Variants in DIAPH2 observed in about 807,000 individuals in gnomAD.
The protein encoded by DIAPH2 is protein diaphanous homolog 2.
Under a neutral mutation model 92.7 loss-of-function variants are expected in DIAPH2, and 35 were observed. The observed-to-expected ratio is 0.38, with a 90% CI of 0.29 to 0.50. DIAPH2 has a LOEUF of 0.50. DIAPH2 is among the 20% of genes least tolerant of loss of function. DIAPH2 has a pLI of 0.94. For missense variants in DIAPH2, 701 were observed against 819.5 expected (o/e 0.86, Z 1.77); for synonymous variants, 301 against 280.4 (o/e 1.07, Z -0.73).
At chrX:96,914,682 C>T (rs1237445012) in intron 7 of DIAPH2, among the ~76,000 whole-genome samples, 3 of 107,788 alleles carry the variant, frequency 2.8e-5, no homozygotes, top group Non-Finnish European at 3.9e-5. Context: ...TTTTTTTTAA[C>T]AGAACATACT....
intron 4 of DIAPH2, among the ~76,000 whole-genome samples, chrX:96,878,461 C>T (rs1013543880): frequency 8.9e-6 from 1 of 111,820 alleles, no homozygotes; most frequent in Non-Finnish European, 1.9e-5. Context: ...ATCATATTTT[C>T]ATAATTTTCA....
At chrX:96,813,425 G>A (rs1292666321) in intron 4 of DIAPH2, among the ~76,000 whole-genome samples, 3 of 109,840 alleles carry the variant, frequency 2.7e-5, no homozygotes, top group Non-Finnish European at 3.8e-5. Context: ...GTCTCTGCAC[G>A]TGAGATGGGT....
rs769428501 is a variant in DIAPH2, at chrX:97,075,214, G to T, written c.2200G>T (p.Val734Phe). 1 of 1,190,466 alleles carries T rather than the reference G, an allele frequency of 8.4e-7. No individual in the cohort carries two copies. Among genetic ancestry groups the T allele is most frequent in the African/African-American group, 1.8e-5 (1 of 56,286 alleles). The change falls in exon 19 of 27, where the codon GTT (valine) becomes TTT (phenylalanine). Residue 734 changes from valine (V) to phenylalanine (F), a missense_variant. This residue lies in a region of DIAPH2 where 536 missense variants were observed against 599.3 expected (regional missense o/e 0.89). Coordinates refer to ENST00000324765, the MANE Select transcript of DIAPH2 (RefSeq NM_006729.5). ...YRMPYEDIRNVILEVNEDMLS... is the reference protein window; with the variant it reads ...YRMPYEDIRNFILEVNEDMLS... Reference sequence around the variant, plus strand: ...CATGCCATATGAAGACATAAGAAACGTTATTCTGGAGGTTAATGAAGACAT... The same window carrying T: ...CATGCCATATGAAGACATAAGAAACTTTATTCTGGAGGTTAATGAAGACAT...
chrX:97,201,131 A>ACC (rs58996513), intron 22 of DIAPH2, among the ~76,000 whole-genome samples: 19,164 of 67,993 alleles, frequency 0.28, 2,479 homozygotes, highest in East Asian at 0.52. Context: ...AACAAGAAAG[A>ACC]CCCCCCCCCC....
intron 22 of DIAPH2, among the ~76,000 whole-genome samples, chrX:97,232,282 T>C (rs2147528452): frequency 8.9e-6 from 1 of 111,910 alleles, no homozygotes; most frequent in Non-Finnish European, 1.9e-5. Flanking sequence ...TCACCCAGGC[T>C]GGAGTGTAGT....
intron 23 of DIAPH2, among the ~76,000 whole-genome samples, chrX:97,306,537 C>G (rs1293026452): frequency 8.9e-6 from 1 of 111,850 alleles, no homozygotes; most frequent in Non-Finnish European, 1.9e-5. Context: ...AAATTCTGAG[C>G]CTTCCTTATC....
At chrX:97,540,287 TTG>T (rs942325937) in intron 26 of DIAPH2, among the ~76,000 whole-genome samples, 4 of 112,008 alleles carry the variant, frequency 3.6e-5, no homozygotes, top group Non-Finnish European at 7.5e-5. Flanking sequence ...CAGTTTTCTA[TTG>T]TTTTGTTTAC....
At chrX:97,050,172 T>G (rs2066510277) in intron 17 of DIAPH2, among the ~76,000 whole-genome samples, 1 of 111,565 alleles carries the variant, frequency 9.0e-6, no homozygotes, top group South Asian at 3.7e-4. Context: ...CTTCCTAAAA[T>G]TTCATATTTT....
intron 22 of DIAPH2, among the ~76,000 whole-genome samples, chrX:97,211,378 T>C (rs765962021): frequency 9.0e-6 from 1 of 110,936 alleles, no homozygotes; most frequent in African/African-American, 3.3e-5. Context: ...AAAAAACTAA[T>C]AGTATTTGTA....
intron 26 of DIAPH2, among the ~76,000 whole-genome samples, chrX:97,529,324 G>T (rs1272259600): frequency 9.0e-6 from 1 of 111,704 alleles, no homozygotes; most frequent in Non-Finnish European, 1.9e-5. Context: ...AAAAGAGTAT[G>T]ATTACTCTAA....
chrX:96,949,178 G>A (rs2065756719), intron 15 of DIAPH2, 139 bp downstream of exon 15: 3 of 358,354 alleles, frequency 8.4e-6, no homozygotes, highest in Non-Finnish European at 1.5e-5. Context: ...TAACTATACA[G>A]ATTTTATATT....
intron 19 of DIAPH2, among the ~76,000 whole-genome samples, chrX:97,095,795 C>T (rs1157685381): frequency 3.6e-5 from 4 of 111,708 alleles, no homozygotes; most frequent in Non-Finnish European, 3.8e-5. Flanking sequence ...GTGGTCTATT[C>T]GTAGAAATTC....
At chrX:96,806,831 C>T (rs768614977) in intron 4 of DIAPH2, among the ~76,000 whole-genome samples, 285 of 106,256 alleles carry the variant, frequency 2.7e-3, no homozygotes, top group Admixed American at 5.7e-3. Flanking sequence ...AGCTCCGCCT[C>T]CCGGGTTCAC....
chrX:97,356,770 G>T (rs1396529976), intron 24 of DIAPH2, among the ~76,000 whole-genome samples: 3 of 110,157 alleles, frequency 2.7e-5, no homozygotes, highest in African/African-American at 1.0e-4. Flanking sequence ...CATGGTTTAA[G>T]GAAAACTCAA....
At chrX:97,022,964 G>T (rs913913245) in intron 17 of DIAPH2, among the ~76,000 whole-genome samples, 1 of 111,333 alleles carries the variant, frequency 9.0e-6, no homozygotes, top group Non-Finnish European at 1.9e-5. Flanking sequence ...CGGGAGGATT[G>T]CTTGAGGCCA....
intron 26 of DIAPH2, among the ~76,000 whole-genome samples, chrX:97,483,164 T>G (rs1272567997): frequency 9.0e-6 from 1 of 110,520 alleles, no homozygotes; most frequent in Admixed American, 9.8e-5. Context: ...AAAAGCCTTT[T>G]AATTTTTAAG....
chrX:97,142,372 T>G (rs1189386233), intron 22 of DIAPH2, among the ~76,000 whole-genome samples: 1 of 111,075 alleles, frequency 9.0e-6, no homozygotes, highest in Non-Finnish European at 1.9e-5. Flanking sequence ...GAAAAGAGGT[T>G]TGCTTTCCAG....
intron 25 of DIAPH2, among the ~76,000 whole-genome samples, chrX:97,401,152 AG>A (rs1453514857): frequency 9.0e-6 from 1 of 110,867 alleles, no homozygotes; most frequent in East Asian, 2.8e-4. Context: ...GAGCTTCTTC[AG>A]GAACTTTCTG....
At chrX:97,034,698 T>C (rs1350204930) in intron 17 of DIAPH2, among the ~76,000 whole-genome samples, 1 of 111,114 alleles carries the variant, frequency 9.0e-6, no homozygotes, top group Non-Finnish European at 1.9e-5. Context: ...ATTCAGAACA[T>C]TACAGTTGAG....
Sources: allele counts gnomAD v4.1 joint callset (sites outside exome capture counted in the v4.1 genomes callset), GRCh38; gene constraint gnomAD v4.1.1; regional missense constraint gnomAD v4.1.1; transcripts MANE v1.5; gene names NCBI Gene and HGNC (gene_info 2026-07-23, HGNC 2026-07-21).